Variants in SZRD1 observed in about 807,000 individuals in gnomAD.
SZRD1 encodes the protein SUZ RNA binding domain containing 1.
In SZRD1, 7 loss-of-function variants were observed where a neutral mutation model predicts 17.6. That is an observed-to-expected ratio of 0.40 (90% CI 0.23 to 0.75). The LOEUF (loss-of-function observed/expected upper bound fraction) is 0.75, where lower values mean the gene tolerates loss of function less well. Ranked by LOEUF, SZRD1 falls within the 30% of genes least tolerant of loss-of-function variation. SZRD1 has a pLI of 0.38. For missense variants in SZRD1, 178 were observed against 201.8 expected (o/e 0.88, Z 0.71); for synonymous variants, 77 against 77.9 (o/e 0.99, Z 0.06).
intron 1 of SZRD1, among the ~76,000 whole-genome samples, chr1:16,371,509 T>G (rs1174258702): frequency 6.7e-6 from 1 of 150,098 alleles, no homozygotes; most frequent in African/African-American, 2.5e-5. Flanking sequence ...TCGCCCAGGC[T>G]GGAGTGCAGT....
intron 1 of SZRD1, among the ~76,000 whole-genome samples, chr1:16,373,270 GATTT>G (rs1279533370): frequency 1.3e-5 from 2 of 150,432 alleles, no homozygotes; most frequent in African/African-American, 4.9e-5. Flanking sequence ...GATATAGCTA[GATTT>G]ATTTATTTAT....
intron 1 of SZRD1, among the ~76,000 whole-genome samples, chr1:16,380,790 A>G (rs919060601): frequency 2.0e-5 from 3 of 152,098 alleles, no homozygotes; most frequent in African/African-American, 7.2e-5. Context: ...TTGTATTTGT[A>G]GAGATGGGAT....
chr1:16,381,085 TA>T (rs139686580), intron 1 of SZRD1, among the ~76,000 whole-genome samples: 307 of 123,142 alleles, frequency 2.5e-3, no homozygotes, highest in Middle Eastern at 0.012. Context: ...CCTGGCTCGT[TA>T]AAAAAAAAAA....
At chr1:16,392,994 A>G (rs1266694771) in intron 2 of SZRD1, among the ~76,000 whole-genome samples, 1 of 152,202 alleles carries the variant, frequency 6.6e-6, no homozygotes, top group African/African-American at 2.4e-5. Flanking sequence ...CCCTGTGGCC[A>G]GGGGTTAGGG....
In SZRD1 at chr1:16,396,338, C is replaced by G. The variant is rs1375294334; in HGVS notation, c.*1198C>G. 4 of 152,210 alleles carry G rather than the reference C, an allele frequency of 2.6e-5. No homozygotes were observed. 9.4% of individuals were successfully genotyped at this position (152,210 alleles called of 1,614,324 possible). A position where few individuals can be genotyped will look rare whatever the true frequency, so the allele number is the denominator to read the frequency against. On this transcript the variant is annotated 3_prime_UTR_variant, in exon 4 of 4. Transcript: ENST00000401088. ...CTGTGTGCAATCAGTACCTTGAAGG[C>G]AGAACATTCTGAATAAAGTTGGAAA...
chr1:16,371,422 CT>C (rs1451045685), intron 1 of SZRD1, among the ~76,000 whole-genome samples: 1 of 146,978 alleles, frequency 6.8e-6, no homozygotes, highest in East Asian at 2.0e-4. Flanking sequence ...CATCCCTCTG[CT>C]CCCCCCTCTC....
intron 2 of SZRD1, among the ~76,000 whole-genome samples, chr1:16,392,487 G>A (rs2085235262): frequency 6.6e-6 from 1 of 152,088 alleles, no homozygotes; most frequent in African/African-American, 2.4e-5. Flanking sequence ...CTTGATGTAC[G>A]CGTCCACCAG....
chr1:16,386,907 A>C lies in SZRD1; in HGVS notation c.52-4468A>C, dbSNP rs568017316. 1.3e-4 allele frequency: 23 copies of C among 175,670 alleles called. 1 individual carries two copies. Among genetic ancestry groups the C allele is most frequent in the Non-Finnish European group, 2.7e-4 (22 of 82,600 alleles). 10.9% of individuals were successfully genotyped at this position (175,670 alleles called of 1,614,324 possible). On this transcript the variant is annotated intron_variant, in intron 1 of 3. Transcript: ENST00000401088. ...ACTGGCATTTCCAGGGGATTTGAGCAATTGTCGGGGGAGGGTGGTATGTCA... is the reference window on the plus strand; with the variant it reads ...ACTGGCATTTCCAGGGGATTTGAGCCATTGTCGGGGGAGGGTGGTATGTCA...
At chr1:16,372,413 C>T (rs761145234) in intron 1 of SZRD1, among the ~76,000 whole-genome samples, 8 of 152,118 alleles carry the variant, frequency 5.3e-5, no homozygotes, top group Non-Finnish European at 7.3e-5. Context: ...GCAGAGGTTG[C>T]AGTGAGCAGA....
intron 1 of SZRD1, among the ~76,000 whole-genome samples, chr1:16,380,861 C>T (rs1428932921): frequency 6.6e-6 from 1 of 151,624 alleles, no homozygotes; most frequent in Admixed American, 6.6e-5. Flanking sequence ...CTTGCCTTGG[C>T]CTTCCAAAGT....
In SZRD1 at chr1:16,393,455, A is replaced by G. The variant is rs2085250018; in HGVS notation, c.329A>G (p.Glu110Gly). The change falls in exon 3 of 4, where the codon GAG (glutamate) becomes GGG (glycine). Residue 110 changes from glutamate (E) to glycine (G), a missense_variant. Physicochemically the swap from Glu to Gly is moderately conservative, Grantham distance 98. Around this residue, in one of 3 missense-constraint regions of SZRD1, gnomAD observed 57 missense variants for 71.9 expected, o/e 0.79. Coordinates refer to ENST00000401088, the MANE Select transcript of SZRD1 (RefSeq NM_001114600.3). The surrounding 1 kb of genome is among the most constrained non-coding windows in gnomAD (Gnocchi z 5.6). ...KRILGSASPE[E>G]EQEKPILDRP... The stretch of plus-strand genomic sequence containing the variant: ...ATCCTGGGCAGCGCCAGCCCCGAGG[A>G]GGAGCAGGAGAAACCCATCCTCGAC... 6.2e-7 allele frequency: 1 copy of G among 1,613,388 alleles called. No individual in the cohort carries two copies. Among genetic ancestry groups the G allele is most frequent in the African/African-American group, 1.3e-5 (1 of 75,034 alleles).
chr1:16,385,809 T>C (rs190074741), intron 1 of SZRD1, among the ~76,000 whole-genome samples: 159 of 152,336 alleles, frequency 1.0e-3, no homozygotes, highest in African/African-American at 3.7e-3. Flanking sequence ...CCAGTGAAGC[T>C]GAGCTTCCTC....
At position 16,393,500 on chromosome 1, in the gene SZRD1, G is replaced by A; in HGVS notation, c.356+18G>A. 1 of 1,592,990 alleles carries A rather than the reference G, an allele frequency of 6.3e-7. No individual in the cohort carries two copies. The highest frequency in any genetic ancestry group is 8.5e-7 in the Non-Finnish European group (1 of 1,171,426). On this transcript the variant is annotated intron_variant, in intron 3 of 3. Transcript: ENST00000401088. This position sits in a 1 kb window ranked among gnomAD's most constrained non-coding sequence, Gnocchi z 5.6. ...CTCGACAGGTGAGTGTGGCTGGCAGGGCCGGCCAGTGATGGCTGTCCCAGT... is the reference window on the plus strand; with the variant it reads ...CTCGACAGGTGAGTGTGGCTGGCAGAGCCGGCCAGTGATGGCTGTCCCAGT...
chr1:16,378,842 T>C (rs556722652), intron 1 of SZRD1, among the ~76,000 whole-genome samples: 16 of 152,224 alleles, frequency 1.1e-4, no homozygotes, highest in Admixed American at 6.5e-5. Context: ...TTCTCCTGCC[T>C]GAGCCTCCCG....
intron 1 of SZRD1, among the ~76,000 whole-genome samples, chr1:16,372,199 G>C (rs553148712): frequency 1.3e-5 from 2 of 152,040 alleles, no homozygotes; most frequent in African/African-American, 4.8e-5. Flanking sequence ...TATGCCAGGC[G>C]TGGTGGCTCA....
Position 16,377,128 on chromosome 1 carries a change from G to A in SZRD1, c.51+9820G>A, listed in dbSNP as rs2083017300. ...TTAGCCATTTGGGCTTGGAGGCATT[G>A]TGTTTGCCACCCCTGCTGAGTGCTG... On this transcript the variant is annotated intron_variant, in intron 1 of 3. Coordinates refer to ENST00000401088, the MANE Select transcript of SZRD1 (RefSeq NM_001114600.3). 1.3e-5 allele frequency among the ~76,000 whole-genome samples: 2 copies of A among 152,142 alleles called. 1 individual carries two copies. The highest frequency in any genetic ancestry group is 2.9e-5 in the Non-Finnish European group (2 of 68,032).
Position 16,391,573 on chromosome 1 carries a change from A to G in SZRD1, c.101+149A>G. ...AACCCTTCCCTCCAAATTGGAGACCAGGACGTGGTGGCTTGAGGCTTTAGG... is the reference window on the plus strand; with the variant it reads ...AACCCTTCCCTCCAAATTGGAGACCGGGACGTGGTGGCTTGAGGCTTTAGG... On this transcript the variant is annotated intron_variant, in intron 2 of 3. Transcript: ENST00000401088. The surrounding 1 kb of genome is among the most constrained non-coding windows in gnomAD (Gnocchi z 4.3). 1 of 701,414 alleles carries G rather than the reference A, an allele frequency of 1.4e-6. No homozygotes were observed. Among genetic ancestry groups the G allele is most frequent in the South Asian group, 1.9e-5 (1 of 53,500 alleles). The allele number at this position is 701,414 out of a possible 1,614,324, so 43.4% of individuals were successfully genotyped here. A position where few individuals can be genotyped will look rare whatever the true frequency, so the allele number is the denominator to read the frequency against.
intron 1 of SZRD1, among the ~76,000 whole-genome samples, chr1:16,387,978 T>C (rs1240363106): frequency 6.6e-6 from 1 of 152,232 alleles, no homozygotes. Flanking sequence ...TCTCTTATTA[T>C]TGGTGTACCT....
In SZRD1 at chr1:16,391,339, T is replaced by G. The variant is rs923447591; in HGVS notation, c.52-36T>G. 1.1e-5 allele frequency: 16 copies of G among 1,453,536 alleles called. No individual in the cohort carries two copies. In the African/African-American group the frequency reaches 2.0e-4, roughly 18 times the overall value. 90.0% of individuals were successfully genotyped at this position (1,453,536 alleles called of 1,614,324 possible). A position where few individuals can be genotyped will look rare whatever the true frequency, so the allele number is the denominator to read the frequency against. ...AGACTAAGTTTTTATTTGAGAGAGATTTTTTCCTCTTTTTATATACATTTT... is the reference window on the plus strand; with the variant it reads ...AGACTAAGTTTTTATTTGAGAGAGAGTTTTTCCTCTTTTTATATACATTTT... On this transcript the variant is annotated intron_variant, in intron 1 of 3. Coordinates refer to ENST00000401088, the MANE Select transcript of SZRD1 (RefSeq NM_001114600.3). This position sits in a 1 kb window ranked among gnomAD's most constrained non-coding sequence, Gnocchi z 4.3.
Sources: gnomAD v4.1 joint callset for allele counts (sites outside exome capture counted in the v4.1 genomes callset) on GRCh38, gnomAD v4.1.1 for gene constraint, gnomAD v4.1.1 regional missense constraint, Gnocchi (gnomAD v3.1) non-coding constraint, MANE v1.5 for transcripts, NCBI Gene and HGNC (gene_info 2026-07-23, HGNC 2026-07-21) for gene names.